Variants in CEMIP observed in about 807,000 individuals in gnomAD.
CEMIP encodes cell migration-inducing and hyaluronan-binding protein.
A neutral mutation model predicts 156.9 loss-of-function variants in CEMIP; 105 were observed. The observed-to-expected ratio is 0.67, with a 90% confidence interval of 0.57 to 0.79. The LOEUF is 0.79. Among genes scored for constraint, CEMIP ranks in the 30% least tolerant of loss-of-function variants. The pLI is 0.00. For missense variants in CEMIP, 1,457 were observed against 1,769.4 expected (o/e 0.82, Z 3.17); for synonymous variants, 676 against 668.4 (o/e 1.01, Z -0.17).
chr15:80,942,383 G>C lies in CEMIP; in HGVS notation c.3699+46G>C, dbSNP rs780270615. 11 of 1,493,422 alleles carry C rather than the reference G, an allele frequency of 7.4e-6. No homozygotes were observed. In the Admixed American group the frequency reaches 1.5e-4, roughly 20 times the overall value. The allele number at this position is 1,493,422 out of a possible 1,614,324, so 92.5% of individuals were successfully genotyped here. On this transcript the variant is annotated intron_variant, in intron 27 of 29. Coordinates refer to ENST00000394685, the MANE Select transcript of CEMIP (RefSeq NM_001293298.2). ...GAGGATTCGGGTTTGCTCATTGAGA[G>C]GTGATACTGTGTCCTGCGGCTGCTG...
At position 80,887,686 on chromosome 15, in the gene CEMIP, T is replaced by G; in HGVS notation, c.798-8T>G. The G allele has an allele frequency of 1.2e-6, 2 of 1,609,362 alleles. No homozygotes were observed. Among genetic ancestry groups the G allele is most frequent in the South Asian group, 2.2e-5 (2 of 91,054 alleles). Reference sequence around the variant, plus strand: ...CTTTACTTTTTGTTATGTTTTTCTTTTTTTCAGACACCCTTGGAGTTTTCT... The same window carrying G: ...CTTTACTTTTTGTTATGTTTTTCTTGTTTTCAGACACCCTTGGAGTTTTCT... On this transcript the variant is annotated splice_polypyrimidine_tract_variant and splice_region_variant and intron_variant, in intron 7 of 29. Transcript: ENST00000394685.
intron 14 of CEMIP, among the ~76,000 whole-genome samples, chr15:80,913,980 GCTTCT>G (rs1246917404): frequency 2.0e-5 from 3 of 152,264 alleles, no homozygotes; most frequent in Non-Finnish European, 4.4e-5. Flanking sequence ...ACTGGAAAAT[GCTTCT>G]CACTACATTG....
At chr15:80,842,680 C>T (rs1265214609) in intron 1 of CEMIP, among the ~76,000 whole-genome samples, 2 of 152,000 alleles carry the variant, frequency 1.3e-5, no homozygotes, top group East Asian at 1.9e-4. Flanking sequence ...TGCAGTGAGC[C>T]GTGATTGTGC....
chr15:80,896,467 A>G (rs867777382), intron 12 of CEMIP: 3 of 425,050 alleles, frequency 7.1e-6, no homozygotes, highest in Middle Eastern at 7.4e-4. Flanking sequence ...GCACAACACA[A>G]ATAGGCTAGG....
At chr15:80,921,749 T>C (rs1486100695) in intron 16 of CEMIP, among the ~76,000 whole-genome samples, 1 of 152,238 alleles carries the variant, frequency 6.6e-6, no homozygotes, top group Non-Finnish European at 1.5e-5. Context: ...CCTGCAGTGA[T>C]TGAAACGCAG....
chr15:80,909,089 T>C lies in CEMIP; in HGVS notation c.1588-8T>C, dbSNP rs781169930. On this transcript the variant is annotated splice_polypyrimidine_tract_variant and splice_region_variant and intron_variant, in intron 13 of 29. Transcript: ENST00000394685. ...GGGCTCCTCTGACTCTCGGTTCTCC[T>C]CTCCTAGTTTGCTCTGGGATTTAAG... The C allele has an allele frequency of 1.2e-6, 2 of 1,613,272 alleles. No homozygotes were observed. Among genetic ancestry groups the C allele is most frequent in the African/African-American group, 2.7e-5 (2 of 74,896 alleles).
chr15:80,881,575 C>T (rs536803845), intron 6 of CEMIP, among the ~76,000 whole-genome samples: 1 of 152,294 alleles, frequency 6.6e-6, no homozygotes, highest in East Asian at 1.9e-4. Flanking sequence ...ATGACATTCT[C>T]AAACGATGGA....
chr15:80,879,657 G>A, intron 4 of CEMIP, 59 bp from the exon 5 acceptor site: 1 of 1,609,332 alleles, frequency 6.2e-7, no homozygotes, highest in Non-Finnish European at 8.5e-7. Flanking sequence ...CCTTGGCTCT[G>A]ATATAACCTT....
At chr15:80,920,957 C>T in intron 15 of CEMIP, 75 bp from the exon 16 acceptor site, 1 of 1,255,264 alleles carries the variant, frequency 8.0e-7, no homozygotes, top group East Asian at 2.4e-5. Context: ...GAGTGCCCAA[C>T]CTGCACCTGC....
Position 80,929,183 on chromosome 15 carries a change from G to T in CEMIP, c.2612+9G>T, listed in dbSNP as rs1339114311. 6.2e-7 allele frequency: 1 copy of T among 1,614,072 alleles called. No individual in the cohort carries two copies. Among genetic ancestry groups the T allele is most frequent in the Non-Finnish European group, 8.5e-7 (1 of 1,180,036 alleles). On this transcript the variant is annotated intron_variant, in intron 21 of 29. Coordinates refer to ENST00000394685, the MANE Select transcript of CEMIP (RefSeq NM_001293298.2). Reference sequence around the variant, plus strand: ...ACCCTCCCTATAGGCCAGTAGGTTTGCAACCATGTAGCTCCTTATTCTGAG... The same window carrying T: ...ACCCTCCCTATAGGCCAGTAGGTTTTCAACCATGTAGCTCCTTATTCTGAG...
At chr15:80,789,210 G>C (rs1202164973) in intron 1 of CEMIP, among the ~76,000 whole-genome samples, 1 of 152,170 alleles carries the variant, frequency 6.6e-6, no homozygotes, top group African/African-American at 2.4e-5. Context: ...AGGCAGACAA[G>C]CCCTTTGGTG....
chr15:80,909,297 T>C lies in CEMIP; in HGVS notation c.1788T>C (p.Asn596=), dbSNP rs752930349. 8.7e-6 allele frequency: 14 copies of C among 1,614,050 alleles called. No homozygotes were observed. In the South Asian group the frequency reaches 1.3e-4, roughly 15 times the overall value. ...FSRCVTVHGS[N]GLLIKDVVGY... ...GCTGCGTCACAGTCCATGGCTCCAA[T>C]GGCTTGTTGGTAAGAACCTCCTTCC... is the stretch of plus-strand genomic sequence containing the variant. The change falls in exon 14 of 30, where the codon AAT becomes AAC. Residue 596 remains asparagine (N), a synonymous_variant. Coordinates refer to ENST00000394685, the MANE Select transcript of CEMIP (RefSeq NM_001293298.2).
intron 1 of CEMIP, among the ~76,000 whole-genome samples, chr15:80,842,950 T>C (rs1323333073): frequency 6.6e-6 from 1 of 152,046 alleles, no homozygotes; most frequent in African/African-American, 2.4e-5. Context: ...CTCATTTCTG[T>C]TTAGATGATT....
At chr15:80,815,395 T>C (rs1273451435) in intron 1 of CEMIP, among the ~76,000 whole-genome samples, 2 of 152,248 alleles carry the variant, frequency 1.3e-5, no homozygotes, top group African/African-American at 4.8e-5. Flanking sequence ...TTGAATTCTT[T>C]GGTCATGAAA....
At chr15:80,863,481 T>G (rs1898037607) in intron 1 of CEMIP, among the ~76,000 whole-genome samples, 1 of 152,136 alleles carries the variant, frequency 6.6e-6, no homozygotes, top group South Asian at 2.1e-4. Flanking sequence ...GTTCAGGAAC[T>G]CTAAAGACAG....
chr15:80,781,615 A>G (rs879560646), intron 1 of CEMIP, among the ~76,000 whole-genome samples: 4 of 152,116 alleles, frequency 2.6e-5, no homozygotes, highest in Non-Finnish European at 5.9e-5. Flanking sequence ...TTTGTGTGTG[A>G]CTGACAAAGG....
chr15:80,945,144 G>A (rs1174844307), intron 28 of CEMIP, among the ~76,000 whole-genome samples: 2 of 152,216 alleles, frequency 1.3e-5, no homozygotes, highest in Non-Finnish European at 2.9e-5. Context: ...GAAACATCTA[G>A]CATGGCTTCT....
chr15:80,869,648 T>G (rs1898224144), intron 1 of CEMIP, among the ~76,000 whole-genome samples: 1 of 152,178 alleles, frequency 6.6e-6, no homozygotes, highest in African/African-American at 2.4e-5. Flanking sequence ...TGTACTTGCC[T>G]CTCTTTCCTC....
At position 80,794,342 on chromosome 15, in the gene CEMIP, A is replaced by C. The variant is rs74030610; in HGVS notation, c.-176+14728A>C. Among the ~76,000 whole-genome samples the C allele has an allele frequency of 8.1e-3, 1,237 of 152,174 alleles. 18 individuals are homozygous for C. Among genetic ancestry groups the C allele is most frequent in the African/African-American group, 0.026 (1,086 of 41,512 alleles). On this transcript the variant is annotated intron_variant, in intron 1 of 29. Coordinates refer to ENST00000394685, the MANE Select transcript of CEMIP (RefSeq NM_001293298.2). ...TCACTCATTTATTCCCTCATTTAGCAGTTTACTGAAGTCAGCTTATAATAT... is the reference window on the plus strand; with the variant it reads ...TCACTCATTTATTCCCTCATTTAGCCGTTTACTGAAGTCAGCTTATAATAT...
Sources: allele counts gnomAD v4.1 joint callset (sites outside exome capture counted in the v4.1 genomes callset), GRCh38; gene constraint gnomAD v4.1.1; transcripts MANE v1.5; gene names NCBI Gene and HGNC (gene_info 2026-07-23, HGNC 2026-07-21).